ENOX2: variants seen among roughly 807,000 people sequenced by gnomAD.
The protein encoded by ENOX2 is APK1 antigen.
A neutral mutation model predicts 45.0 loss-of-function variants in ENOX2; 36 were observed. That is an observed-to-expected ratio of 0.80 (90% CI 0.61 to 1.06). The LOEUF is 1.06. Among genes scored for constraint, ENOX2 ranks in the 50% least tolerant of loss-of-function variants. The pLI, the probability that ENOX2 is intolerant of heterozygous loss-of-function variation, is 0.00. For synonymous variants in ENOX2, 174 were observed against 152.3 expected, an observed-to-expected ratio of 1.14 and a Z score of -1.05; for missense variants, 423 against 462.5, an observed-to-expected ratio of 0.91 and a Z score of 0.78.
intron 3 of ENOX2, among the ~76,000 whole-genome samples, chrX:130,768,167 C>T (rs909139803): frequency 3.6e-5 from 4 of 111,340 alleles, no homozygotes; most frequent in African/African-American, 9.8e-5. Context: ...TTCTTTTTCC[C>T]ATAGCAGAAT....
chrX:130,720,878 G>A (rs901291079), intron 3 of ENOX2, among the ~76,000 whole-genome samples: 5 of 111,595 alleles, frequency 4.5e-5, no homozygotes, highest in African/African-American at 6.5e-5. Flanking sequence ...CAAGTATAGA[G>A]CGACAAGTCT....
intron 10 of ENOX2, among the ~76,000 whole-genome samples, chrX:130,638,499 G>A (rs1006568561): frequency 9.1e-6 from 1 of 109,906 alleles, no homozygotes; most frequent in Non-Finnish European, 1.9e-5. Context: ...GTCTCACAGA[G>A]GAAAAGTAAA....
chrX:130,714,658 T>C (rs968585331), intron 3 of ENOX2, among the ~76,000 whole-genome samples: 1 of 112,078 alleles, frequency 8.9e-6, no homozygotes, highest in African/African-American at 3.2e-5. Flanking sequence ...TGAATATTAA[T>C]TTAACAAACT....
In ENOX2 at chrX:130,714,885, G is replaced by A. The variant is rs145179780; in HGVS notation, c.-38-11631C>T. 3.9e-4 allele frequency among the ~76,000 whole-genome samples: 44 copies of A among 111,580 alleles called. 1 individual carries two copies. The East Asian group carries it at 8.8e-3, about 22-fold the overall frequency. On this transcript the variant is annotated intron_variant, in intron 3 of 14. Coordinates refer to ENST00000394363, the MANE Select transcript of ENOX2 (RefSeq NM_006375.4). ...GTGGTGGAGGAGGGAGGGGAGCACT[G>A]AGGAAGTGATGTGAAGCTGGAGGTA...
intron 10 of ENOX2, among the ~76,000 whole-genome samples, chrX:130,643,880 T>C (rs1299232827): frequency 8.9e-6 from 1 of 111,738 alleles, no homozygotes; most frequent in African/African-American, 3.2e-5. Context: ...TAAAAGCAGA[T>C]TACACATTCT....
intron 2 of ENOX2, among the ~76,000 whole-genome samples, chrX:130,865,471 T>C (rs1225133448): frequency 1.8e-5 from 2 of 112,165 alleles, no homozygotes; most frequent in African/African-American, 3.2e-5. Context: ...AGAATCAATA[T>C]GTTTACAGAG....
At chrX:130,805,861 G>A (rs1217924537) in intron 2 of ENOX2, among the ~76,000 whole-genome samples, 1 of 112,041 alleles carries the variant, frequency 8.9e-6, no homozygotes, top group East Asian at 2.8e-4. Context: ...CCTGCTCGCA[G>A]CTGAAGAGGA....
At chrX:130,666,522 G>A (rs1009762883) in intron 8 of ENOX2, among the ~76,000 whole-genome samples, 9 of 111,540 alleles carry the variant, frequency 8.1e-5, no homozygotes, top group Non-Finnish European at 1.3e-4. Flanking sequence ...CTGGTTGGGT[G>A]TTCACAGTAA....
At chrX:130,844,376 T>G (rs1333598840) in intron 2 of ENOX2, among the ~76,000 whole-genome samples, 1 of 111,078 alleles carries the variant, frequency 9.0e-6, no homozygotes, top group African/African-American at 3.3e-5. Flanking sequence ...ATTTTGTGCA[T>G]GTATCGTGTT....
chrX:130,857,669 G>T (rs1478635039), intron 2 of ENOX2, among the ~76,000 whole-genome samples: 1 of 111,368 alleles, frequency 9.0e-6, no homozygotes, highest in African/African-American at 3.3e-5. Flanking sequence ...AAGAGAACAG[G>T]AGGAAATTTT....
At chrX:130,767,634 A>G (rs751444932) in intron 3 of ENOX2, among the ~76,000 whole-genome samples, 48 of 112,020 alleles carry the variant, frequency 4.3e-4, no homozygotes, top group African/African-American at 1.3e-3. Context: ...AAATTCCTAT[A>G]ATACACAAGA....
At chrX:130,687,962 T>C (rs2148178437) in intron 5 of ENOX2, among the ~76,000 whole-genome samples, 1 of 112,065 alleles carries the variant, frequency 8.9e-6, no homozygotes, top group African/African-American at 3.2e-5. Context: ...AAGATTCATA[T>C]TTATCCTGAT....
Position 130,625,204 on chromosome X carries a change from G to C in ENOX2, c.*110C>G, listed in dbSNP as rs2035510365. The C allele has an allele frequency of 1.1e-6, 1 of 938,640 alleles. No homozygotes were observed. Among genetic ancestry groups the C allele is most frequent in the Admixed American group, 3.0e-5 (1 of 33,409 alleles). The allele number at this position is 938,640 out of a possible 1,213,427, so 77.4% of individuals were successfully genotyped here. ...TCAAAAGATTTTCCAGGAATGAACT[G>C]ACAAATTCAAAGGAACTTCCACTTG... is the stretch of plus-strand genomic sequence containing the variant. On this transcript the variant is annotated 3_prime_UTR_variant, in exon 15 of 15. Coordinates refer to ENST00000394363, the MANE Select transcript of ENOX2 (RefSeq NM_006375.4).
chrX:130,898,493 CGTGTGT>C (rs966089547), intron 2 of ENOX2, among the ~76,000 whole-genome samples: 9 of 108,909 alleles, frequency 8.3e-5, no homozygotes, highest in Non-Finnish European at 1.2e-4. Flanking sequence ...TGTGCGTGTG[CGTGTGT>C]GTGTGCGTGT....
At chrX:130,695,573 C>T (rs1015297440) in intron 4 of ENOX2, among the ~76,000 whole-genome samples, 1 of 111,573 alleles carries the variant, frequency 9.0e-6, no homozygotes, top group Non-Finnish European at 1.9e-5. Context: ...AGTTTTTACT[C>T]ACAGTAAAAC....
chrX:130,763,189 T>C (rs1321212219), intron 3 of ENOX2, among the ~76,000 whole-genome samples: 1 of 111,654 alleles, frequency 9.0e-6, no homozygotes, highest in Non-Finnish European at 1.9e-5. Flanking sequence ...GTGTTCTTTC[T>C]TCCTTCCTGA....
chrX:130,737,583 A>G (rs180981588), intron 3 of ENOX2, among the ~76,000 whole-genome samples: 25 of 112,330 alleles, frequency 2.2e-4, no homozygotes, highest in Middle Eastern at 4.6e-3. Flanking sequence ...CCACTCAAAG[A>G]TAGTCATCTA....
rs747164413 is a variant in ENOX2, at chrX:130,740,180, C to T, written c.-38-36926G>A. ...CTTTGGGAGGCCGAGGTGGGTGGAT[C>T]GCCTGAGGCCAGGAGTTTGAAACCA... On this transcript the variant is annotated intron_variant, in intron 3 of 14. Coordinates refer to ENST00000394363, the MANE Select transcript of ENOX2 (RefSeq NM_006375.4). Among the ~76,000 whole-genome samples the T allele has an allele frequency of 9.0e-5, 10 of 111,623 alleles. No individual in the cohort carries two copies. In the Admixed American group the frequency reaches 9.5e-4, roughly 11 times the overall value.
chrX:130,717,758 A>G (rs2038366203), intron 3 of ENOX2, among the ~76,000 whole-genome samples: 1 of 111,937 alleles, frequency 8.9e-6, no homozygotes, highest in Non-Finnish European at 1.9e-5. Flanking sequence ...AACAACAACA[A>G]TGCAATGAAA....
Sources: gnomAD v4.1 joint callset for allele counts (sites outside exome capture counted in the v4.1 genomes callset) on GRCh38, gnomAD v4.1.1 for gene constraint, MANE v1.5 for transcripts, NCBI Gene and HGNC (gene_info 2026-07-23, HGNC 2026-07-21) for gene names.